The following OPHN1 variants were observed in gnomAD, a reference collection of about 807,000 sequenced individuals.
The protein encoded by OPHN1 is oligophrenin-1.
In OPHN1, 11 loss-of-function variants were observed where a neutral mutation model predicts 60.7. That is an observed-to-expected ratio of 0.18 (90% CI 0.11 to 0.30). OPHN1 has a LOEUF of 0.30. OPHN1 is among the 10% of genes least tolerant of loss of function. The probability of loss-of-function intolerance (pLI) is 1.00; values close to 1 mark genes in which losing one functional copy is unlikely to be tolerated. For synonymous variants in OPHN1, 226 were observed against 222.6 expected, an observed-to-expected ratio of 1.02 and a Z score of -0.14; for missense variants, 449 against 611.0, an observed-to-expected ratio of 0.73 and a Z score of 2.80.
At chrX:68,360,783 C>T (rs1170171995) in intron 2 of OPHN1, among the ~76,000 whole-genome samples, 1 of 109,865 alleles carries the variant, frequency 9.1e-6, no homozygotes, top group Non-Finnish European at 1.9e-5. Context: ...ACCCTGGCTC[C>T]ACCCAAAAAC....
In OPHN1 at chrX:68,269,035, A is replaced by G. The variant is rs374056122; in HGVS notation, c.384+5703T>C. Among the ~76,000 whole-genome samples, 67 of 111,667 alleles carry G rather than the reference A, an allele frequency of 6.0e-4. No homozygotes were observed. The Middle Eastern group carries it at 0.019, about 31-fold the overall frequency. ...CCTAGGAATCCAACTTACAAGGGAC[A>G]TGAAGGACCTCTTCAAGGAGAACTA... On this transcript the variant is annotated intron_variant, in intron 5 of 24. Coordinates refer to ENST00000355520, the MANE Select transcript of OPHN1 (RefSeq NM_002547.3).
At chrX:68,324,638 A>T (rs1269171241) in intron 2 of OPHN1, among the ~76,000 whole-genome samples, 1 of 109,487 alleles carries the variant, frequency 9.1e-6, no homozygotes, top group Admixed American at 9.9e-5. Flanking sequence ...ATCTAAAAAT[A>T]AAAATAAATA....
At chrX:68,106,596 G>A (rs926361404) in intron 18 of OPHN1, among the ~76,000 whole-genome samples, 2 of 111,747 alleles carry the variant, frequency 1.8e-5, no homozygotes, top group Non-Finnish European at 3.8e-5. Context: ...TTGCCAGGGA[G>A]GTGGCCTTAG....
chrX:68,135,434 G>A lies in OPHN1; in HGVS notation c.1277-16102C>T, dbSNP rs182878830. 2.0e-4 allele frequency among the ~76,000 whole-genome samples: 22 copies of A among 111,581 alleles called. No homozygotes were observed. In the East Asian group the frequency reaches 6.2e-3, roughly 32 times the overall value. On this transcript the variant is annotated intron_variant, in intron 15 of 24. Transcript: ENST00000355520. Reference sequence around the variant, plus strand: ...AATAGGGTATTGGACAGGGGAGCGGGAGCTATTATATAGGCCTTTTGGGTT... The same window carrying A: ...AATAGGGTATTGGACAGGGGAGCGGAAGCTATTATATAGGCCTTTTGGGTT...
At chrX:68,101,475 T>C (rs143870915) in intron 18 of OPHN1, among the ~76,000 whole-genome samples, 2,092 of 112,216 alleles carry the variant, frequency 0.019, 27 homozygotes, top group Non-Finnish European at 0.028. Context: ...TTTATGTGCT[T>C]GTTAGTTTTC....
intron 19 of OPHN1, among the ~76,000 whole-genome samples, chrX:68,094,711 TGGATTATAA>T (rs1402702996): frequency 9.0e-6 from 1 of 111,194 alleles, no homozygotes; most frequent in Non-Finnish European, 1.9e-5. Flanking sequence ...ATTCTTCCAG[TGGATTATAA>T]GACTCCACTA....
At chrX:68,047,506 T>C (rs2076836193) in intron 24 of OPHN1, among the ~76,000 whole-genome samples, 1 of 111,521 alleles carries the variant, frequency 9.0e-6, no homozygotes, top group Admixed American at 9.5e-5. Flanking sequence ...AACTTCCTTT[T>C]AACAGGGACT....
intron 2 of OPHN1, among the ~76,000 whole-genome samples, chrX:68,422,220 T>C (rs1325798691): frequency 9.1e-6 from 1 of 110,484 alleles, no homozygotes; most frequent in Non-Finnish European, 1.9e-5. Flanking sequence ...ATAAAGAACA[T>C]CAAGACAGTT....
rs191293028 is a variant in OPHN1, at chrX:68,266,945, T to C, written c.384+7793A>G. On this transcript the variant is annotated intron_variant, in intron 5 of 24. Transcript: ENST00000355520. ...AGAGACAAAGAAGGCCATTACATAA[T>C]GGTAAAGGGATCAATTTAACAAGAA... 4.8e-3 allele frequency among the ~76,000 whole-genome samples: 534 copies of C among 111,670 alleles called. 4 individuals carry two copies. The highest frequency in any genetic ancestry group is 0.016 in the African/African-American group (505 of 30,684).
At chrX:68,058,920 A>G (rs1322992036) in intron 21 of OPHN1, among the ~76,000 whole-genome samples, 1 of 112,001 alleles carries the variant, frequency 8.9e-6, no homozygotes, top group Non-Finnish European at 1.9e-5. Context: ...CTAGGCATGT[A>G]GAGGACTCAC....
chrX:68,433,668 ACTT>A (rs2078897607), upstream of OPHN1: 1 of 295,378 alleles, frequency 3.4e-6, no homozygotes, highest in African/African-American at 2.7e-5. Flanking sequence ...GGCTGCTAAG[ACTT>A]CTTCCTGGTG....
At chrX:68,168,818 G>T (rs1334632553) in intron 15 of OPHN1, among the ~76,000 whole-genome samples, 2 of 110,562 alleles carry the variant, frequency 1.8e-5, no homozygotes, top group African/African-American at 6.6e-5. Flanking sequence ...ATGATAAAGG[G>T]GATATCACCA....
chrX:68,202,149 C>A (rs937136456), intron 10 of OPHN1, among the ~76,000 whole-genome samples: 1 of 111,814 alleles, frequency 8.9e-6, no homozygotes, highest in Non-Finnish European at 1.9e-5. Flanking sequence ...AGCAAAGAAG[C>A]TTCCATTAAA....
At chrX:68,359,803 C>T (rs1261031366) in intron 2 of OPHN1, among the ~76,000 whole-genome samples, 1 of 92,190 alleles carries the variant, frequency 1.1e-5, no homozygotes, top group Non-Finnish European at 2.0e-5. Flanking sequence ...TTGCAGTGAA[C>T]GGAGATCGTG....
At chrX:68,143,179 C>A (rs913442262) in intron 15 of OPHN1, among the ~76,000 whole-genome samples, 1 of 111,504 alleles carries the variant, frequency 9.0e-6, no homozygotes. Flanking sequence ...AACCTGACTG[C>A]AGGGAGAAAC....
intron 22 of OPHN1, among the ~76,000 whole-genome samples, chrX:68,053,112 C>T (rs982828351): frequency 1.1e-4 from 12 of 111,757 alleles, no homozygotes; most frequent in Admixed American, 5.7e-4. Context: ...CTAGCTGCTC[C>T]TTCCTTGGTT....
At chrX:68,255,740 A>AACAC (rs747223446) in intron 5 of OPHN1, among the ~76,000 whole-genome samples, 41 of 101,148 alleles carry the variant, frequency 4.1e-4, no homozygotes, top group African/African-American at 1.2e-3. Context: ...CACACACACA[A>AACAC]ACACACACAC....
At chrX:68,267,733 A>G (rs2077939645) in intron 5 of OPHN1, among the ~76,000 whole-genome samples, 2 of 112,160 alleles carry the variant, frequency 1.8e-5, no homozygotes, top group African/African-American at 6.5e-5. Context: ...AAAGAAATCA[A>G]TGAATCCAGG....
intron 15 of OPHN1, chrX:68,133,446 TTTG>T (rs1464792361): frequency 1.1e-5 from 7 of 628,677 alleles, no homozygotes; most frequent in African/African-American, 8.7e-5. Flanking sequence ...GTCCTGAAGC[TTTG>T]TTATGTATCT....
Sources: allele counts gnomAD v4.1 joint callset (sites outside exome capture counted in the v4.1 genomes callset), GRCh38; gene constraint gnomAD v4.1.1; transcripts MANE v1.5; gene names NCBI Gene and HGNC (gene_info 2026-07-23, HGNC 2026-07-21).